EHD4: variants seen among roughly 807,000 people sequenced by gnomAD.
EHD4 encodes the protein EH domain containing 4.
Under a neutral mutation model 51.0 loss-of-function variants are expected in EHD4, and 37 were observed. The observed-to-expected ratio is 0.73, with a 90% CI of 0.56 to 0.95. EHD4 has a LOEUF of 0.95. Ranked by LOEUF, EHD4 falls within the 40% of genes least tolerant of loss-of-function variation. EHD4 has a pLI of 0.00. For missense variants in EHD4, 632 were observed against 733.1 expected (o/e 0.86, Z 1.59); for synonymous variants, 297 against 317.3 (o/e 0.94, Z 0.68).
At chr15:41,911,044 G>T (rs1411794381) in intron 4 of EHD4, among the ~76,000 whole-genome samples, 2 of 152,178 alleles carry the variant, frequency 1.3e-5, no homozygotes, top group Non-Finnish European at 2.9e-5. Flanking sequence ...TTAAATAAAG[G>T]GGGTAAGCAG....
chr15:41,912,752 G>A (rs1301238185), intron 4 of EHD4, among the ~76,000 whole-genome samples: 1 of 152,114 alleles, frequency 6.6e-6, no homozygotes, highest in African/African-American at 2.4e-5. Context: ...TTAGCATCAT[G>A]AAATACTGAA....
At position 41,968,748 on chromosome 15, in the gene EHD4, G is replaced by A. The variant is rs1040073790; in HGVS notation, c.236+3511C>T. Reference sequence around the variant, plus strand: ...CAGAATCATGAAAATTAAATCACATGATGCTTAGTGTTGAAAGACTGAATT... The same window carrying A: ...CAGAATCATGAAAATTAAATCACATAATGCTTAGTGTTGAAAGACTGAATT... On this transcript the variant is annotated intron_variant, in intron 1 of 5. Coordinates refer to ENST00000220325, the MANE Select transcript of EHD4 (RefSeq NM_139265.4). Among the ~76,000 whole-genome samples, 10 of 152,188 alleles carry A rather than the reference G, an allele frequency of 6.6e-5. 1 individual carries two copies. The highest frequency in any genetic ancestry group is 3.9e-4 in the Admixed American group (6 of 15,276).
chr15:41,965,925 C>A (rs1304809489), intron 1 of EHD4, among the ~76,000 whole-genome samples: 6 of 122,724 alleles, frequency 4.9e-5, no homozygotes, highest in African/African-American at 1.8e-4. Flanking sequence ...GCTCCCCTGC[C>A]CACCCCCCGC....
At chr15:41,957,531 C>T (rs1350419734) in intron 1 of EHD4, among the ~76,000 whole-genome samples, 3 of 152,116 alleles carry the variant, frequency 2.0e-5, no homozygotes, top group African/African-American at 4.8e-5. Flanking sequence ...TCTTTACAAG[C>T]GACAAGACTG....
intron 3 of EHD4, among the ~76,000 whole-genome samples, chr15:41,929,043 A>G (rs2067681796): frequency 6.6e-6 from 1 of 152,206 alleles, no homozygotes; most frequent in Non-Finnish European, 1.5e-5. Flanking sequence ...CACCTCTTGG[A>G]GAATGTAACT....
At chr15:41,952,244 C>T (rs564470245) in intron 2 of EHD4, among the ~76,000 whole-genome samples, 24 of 152,278 alleles carry the variant, frequency 1.6e-4, no homozygotes, top group Admixed American at 3.3e-4. Context: ...GGACAGCAGC[C>T]GGCTGGGAGG....
chr15:41,931,012 G>A (rs1275456844), intron 3 of EHD4, among the ~76,000 whole-genome samples: 1 of 152,132 alleles, frequency 6.6e-6, no homozygotes, highest in Non-Finnish European at 1.5e-5. Context: ...ATGTAAACAG[G>A]CATGCCTTCT....
At chr15:41,939,068 T>C (rs1278970827) in intron 3 of EHD4, among the ~76,000 whole-genome samples, 2 of 152,190 alleles carry the variant, frequency 1.3e-5, no homozygotes, top group African/African-American at 4.8e-5. Flanking sequence ...AGGTGCTCTT[T>C]CTTCTCATCG....
Position 41,946,022 on chromosome 15 carries a change from G to A in EHD4, c.414-2858C>T, listed in dbSNP as rs923340839. On this transcript the variant is annotated intron_variant, in intron 2 of 5. Coordinates refer to ENST00000220325, the MANE Select transcript of EHD4 (RefSeq NM_139265.4). Reference sequence around the variant, plus strand: ...TGGTGAGCCTGGAGTTAATGTGCACGGAAAGTGCTTTGAACGGTGCCTGAC... The same window carrying A: ...TGGTGAGCCTGGAGTTAATGTGCACAGAAAGTGCTTTGAACGGTGCCTGAC... 3.9e-5 allele frequency among the ~76,000 whole-genome samples: 6 copies of A among 152,204 alleles called. No homozygotes were observed. In the South Asian group the frequency reaches 6.2e-4, roughly 16 times the overall value.
chr15:41,949,263 G>A (rs758497154), intron 2 of EHD4, among the ~76,000 whole-genome samples: 45 of 151,514 alleles, frequency 3.0e-4, no homozygotes, highest in Middle Eastern at 3.4e-3. Flanking sequence ...CCAGCTACTC[G>A]GGAGGCTGAG....
At chr15:41,927,473 A>G (rs1288506337) in intron 3 of EHD4, among the ~76,000 whole-genome samples, 1 of 152,258 alleles carries the variant, frequency 6.6e-6, no homozygotes, top group Non-Finnish European at 1.5e-5. Context: ...ACGGATAGAG[A>G]AAATGTGGTG....
intron 1 of EHD4, among the ~76,000 whole-genome samples, chr15:41,961,234 T>C (rs1023026881): frequency 6.6e-6 from 1 of 152,250 alleles, no homozygotes; most frequent in African/African-American, 2.4e-5. Context: ...CACACTGCTG[T>C]CTACCCACTG....
At chr15:41,903,142 T>C (rs779961898) in intron 5 of EHD4, among the ~76,000 whole-genome samples, 13 of 151,918 alleles carry the variant, frequency 8.6e-5, no homozygotes, top group Admixed American at 3.9e-4. Flanking sequence ...ATATGTGAAG[T>C]ATTTCTGTAT....
intron 1 of EHD4, among the ~76,000 whole-genome samples, chr15:41,967,283 C>A (rs558157840): frequency 6.6e-6 from 1 of 152,186 alleles, no homozygotes; most frequent in Non-Finnish European, 1.5e-5. Context: ...CTTTTCCAAC[C>A]CGCAAGCCTG....
intron 4 of EHD4, among the ~76,000 whole-genome samples, chr15:41,918,242 A>ACACACACACGCGCG (rs1347109024): frequency 1.5e-5 from 2 of 130,480 alleles, no homozygotes; most frequent in Admixed American, 7.5e-5. Flanking sequence ...ACACACACAC[A>ACACACACACGCGCG]CGCGCATGTT....
At chr15:41,958,819 C>T (rs1342370823) in intron 1 of EHD4, among the ~76,000 whole-genome samples, 3 of 152,170 alleles carry the variant, frequency 2.0e-5, no homozygotes, top group Non-Finnish European at 4.4e-5. Flanking sequence ...ACCTTATGGG[C>T]AGGTACTATT....
chr15:41,962,426 C>A (rs1053663764), intron 1 of EHD4, among the ~76,000 whole-genome samples: 2 of 151,396 alleles, frequency 1.3e-5, no homozygotes, highest in African/African-American at 2.4e-5. Flanking sequence ...CAGAATAACA[C>A]GAGACAAAGG....
chr15:41,939,792 C>CAA lies in EHD4; in HGVS notation c.511+3273_511+3274dup, dbSNP rs537857115. 2.3e-3 allele frequency among the ~76,000 whole-genome samples: 181 copies of CAA among 79,880 alleles called. 2 individuals carry two copies. Among genetic ancestry groups the CAA allele is most frequent in the Non-Finnish European group, 2.8e-3 (115 of 41,614 alleles). The allele number at this position is 79,880 out of a possible 152,430, so 52.4% of individuals were successfully genotyped here. A position where few individuals can be genotyped will look rare whatever the true frequency, so the allele number is the denominator to read the frequency against. ...TTGGTGACACAGCAAGACTCCGTCT[C>CAA]AAAAAAAAAAAAAAAAAAAAAGATT... is the stretch of plus-strand genomic sequence containing the variant. On this transcript the variant is annotated intron_variant, in intron 3 of 5. Coordinates refer to ENST00000220325, the MANE Select transcript of EHD4 (RefSeq NM_139265.4).
At chr15:41,925,369 A>T (rs926570850) in intron 3 of EHD4, among the ~76,000 whole-genome samples, 1 of 152,204 alleles carries the variant, frequency 6.6e-6, no homozygotes, top group African/African-American at 2.4e-5. Context: ...CAAGGTGATG[A>T]AAACCTCTCA....
Sources: gnomAD v4.1 joint callset for allele counts (sites outside exome capture counted in the v4.1 genomes callset) on GRCh38, gnomAD v4.1.1 for gene constraint, MANE v1.5 for transcripts, NCBI Gene and HGNC (gene_info 2026-07-23, HGNC 2026-07-21) for gene names.